The following WT1 variants were observed in gnomAD, a reference collection of about 807,000 sequenced individuals.
WT1 encodes WT1 transcription factor.
A neutral mutation model predicts 60.8 loss-of-function variants in WT1; 8 were observed. That is an observed-to-expected ratio of 0.13 (90% CI 0.08 to 0.24). The LOEUF is 0.24. Among genes scored for constraint, WT1 ranks in the 10% least tolerant of loss-of-function variants. WT1 has a pLI of 1.00. For synonymous variants in WT1, 312 were observed against 297.1 expected (o/e 1.05, Z -0.52); for missense variants, 568 against 711.8 (o/e 0.80, Z 2.30).
Position 32,434,812 on chromosome 11 carries a change from C to T in WT1, c.549G>A (p.Gly183=), listed in dbSNP as rs1199167878. ...GGCTGGGCGGAGGAGGACCGAAGGG[C>T]CCGTAGCGACAGGCTCCGGCTGTGC... The change falls in exon 1 of 10, where the codon GGG becomes GGA. Residue 183 remains glycine (G), a synonymous_variant. Transcript: ENST00000452863. 5 of 1,612,390 alleles carry T rather than the reference C, an allele frequency of 3.1e-6. No homozygotes were observed. The Admixed American group carries it at 5.0e-5, about 16-fold the overall frequency.
intron 4 of WT1, 110 bp downstream of exon 4, chr11:32,417,467 T>C: frequency 1.0e-6 from 1 of 979,386 alleles, no homozygotes; most frequent in Non-Finnish European, 1.6e-6. Flanking sequence ...ACAGAGAGCT[T>C]TGCCCTTTCT....
intron 5 of WT1, among the ~76,000 whole-genome samples, chr11:32,403,871 C>T (rs1852232097): frequency 6.6e-6 from 1 of 152,012 alleles, no homozygotes; most frequent in South Asian, 2.1e-4. Context: ...TGCACCGCGC[C>T]CAGCCGCAAA....
intron 3 of WT1, among the ~76,000 whole-genome samples, chr11:32,424,896 G>A (rs1852975289): frequency 6.6e-6 from 1 of 152,150 alleles, no homozygotes; most frequent in Admixed American, 6.5e-5. Flanking sequence ...ACTGGGAAGA[G>A]GCCCAGCACA....
chr11:32,392,212 C>T (rs916210333), intron 8 of WT1, 148 bp from the exon 9 acceptor site: 7 of 755,048 alleles, frequency 9.3e-6, no homozygotes, highest in Non-Finnish European at 1.4e-5. Context: ...TTTCCCCAGT[C>T]CCCCAGGCCC....
At chr11:32,393,085 G>T (rs1384987580) in intron 7 of WT1, among the ~76,000 whole-genome samples, 1 of 152,062 alleles carries the variant, frequency 6.6e-6, no homozygotes, top group African/African-American at 2.4e-5. Flanking sequence ...TCAGCCCAGA[G>T]CCTGGCATAG....
Position 32,428,588 on chromosome 11 carries a change from G to A in WT1, c.693C>T (p.Pro231=). 3 of 1,613,938 alleles carry A rather than the reference G, an allele frequency of 1.9e-6. No individual in the cohort carries two copies. The highest frequency in any genetic ancestry group is 2.5e-6 in the Non-Finnish European group (3 of 1,180,024). The stretch of plus-strand genomic sequence containing the variant: ...GGTGCGAGGGCGTGTGACCGTAGCT[G>A]GGCGTCCCGTCGAAGGTGACCGTGC... The change falls in exon 2 of 10, where the codon CCC becomes CCT. Residue 231 remains proline (P), a synonymous_variant. Transcript: ENST00000452863.
chr11:32,431,598 G>A (rs925232196), intron 1 of WT1, among the ~76,000 whole-genome samples: 9 of 102,830 alleles, frequency 8.8e-5, no homozygotes, highest in African/African-American at 5.6e-4. Flanking sequence ...CACCAAGCCC[G>A]GCCAATTTTT....
intron 1 of WT1, among the ~76,000 whole-genome samples, chr11:32,431,871 G>A (rs949280389): frequency 3.3e-5 from 5 of 152,086 alleles, no homozygotes; most frequent in Admixed American, 2.0e-4. Flanking sequence ...TCTCAACGGT[G>A]GGGCCAAGAT....
At chr11:32,421,838 G>T (rs746760432) in intron 3 of WT1, among the ~76,000 whole-genome samples, 1 of 152,206 alleles carries the variant, frequency 6.6e-6, no homozygotes, top group Admixed American at 6.5e-5. Flanking sequence ...AGAATAATTT[G>T]TGTCATCAAG....
intron 5 of WT1, among the ~76,000 whole-genome samples, chr11:32,409,863 G>C (rs926713181): frequency 6.6e-6 from 1 of 151,998 alleles, no homozygotes; most frequent in Admixed American, 6.6e-5. Flanking sequence ...CAAGGACACT[G>C]TTCCAGTGAT....
At chr11:32,391,151 G>A (rs910578116) in intron 9 of WT1, among the ~76,000 whole-genome samples, 19 of 151,926 alleles carry the variant, frequency 1.3e-4, no homozygotes, top group African/African-American at 4.6e-4. Flanking sequence ...TGCCCAGCTA[G>A]TTTTTGTATT....
chr11:32,410,896 G>A (rs1366806013), intron 5 of WT1, among the ~76,000 whole-genome samples: 1 of 152,172 alleles, frequency 6.6e-6, no homozygotes, highest in Non-Finnish European at 1.5e-5. Flanking sequence ...GTAGCTTCCA[G>A]ATCAATGTTC....
chr11:32,430,735 G>C (rs1341690443), intron 1 of WT1: 3 of 1,348,206 alleles, frequency 2.2e-6, no homozygotes, highest in South Asian at 4.4e-5. Context: ...TCCCAGACCG[G>C]ACACGCAGAC....
intron 3 of WT1, among the ~76,000 whole-genome samples, chr11:32,425,868 T>C (rs1853018281): frequency 6.6e-6 from 1 of 152,244 alleles, no homozygotes; most frequent in Non-Finnish European, 1.5e-5. Context: ...AAGTGCTTAA[T>C]ACAGTGGCCA....
intron 3 of WT1, among the ~76,000 whole-genome samples, chr11:32,425,428 G>A (rs1033630864): frequency 1.3e-5 from 2 of 152,104 alleles, no homozygotes; most frequent in Non-Finnish European, 2.9e-5. Context: ...TATTTTTTAT[G>A]CTTCTTCAAC....
intron 5 of WT1, among the ~76,000 whole-genome samples, chr11:32,406,701 C>T (rs112000472): frequency 7.2e-5 from 11 of 152,150 alleles, no homozygotes; most frequent in Non-Finnish European, 1.2e-4. Context: ...TGCACTTTGG[C>T]GCTTCACTTC....
chr11:32,435,077 C>T lies in WT1; in HGVS notation c.284G>A (p.Gly95Asp), dbSNP rs1454795891. The T allele has an allele frequency of 1.3e-6, 2 of 1,490,408 alleles. No individual in the cohort carries two copies. The highest frequency in any genetic ancestry group is 1.8e-6 in the Non-Finnish European group (2 of 1,129,620). 92.3% of individuals were successfully genotyped at this position (1,490,408 alleles called of 1,614,324 possible). The change falls in exon 1 of 10, where the codon GGC becomes GAC. Residue 95 changes from glycine (G) to aspartate (D), a missense_variant. Around this residue, in one of 3 missense-constraint regions of WT1, gnomAD observed 523 missense variants for 565.1 expected, o/e 0.93. Coordinates refer to ENST00000452863, the MANE Select transcript of WT1 (RefSeq NM_024426.6). ...GCCGCTCACAGGCAGGGCACAGCCG[C>T]CGCCGCCACCCAGGGAGGGGACGGC...
At chr11:32,423,900 C>T (rs1422451433) in intron 3 of WT1, among the ~76,000 whole-genome samples, 3 of 152,150 alleles carry the variant, frequency 2.0e-5, no homozygotes, top group African/African-American at 7.2e-5. Context: ...CGGTGGCTCA[C>T]GCCTGTAATT....
At chr11:32,394,443 G>A (rs936832403) in intron 7 of WT1, among the ~76,000 whole-genome samples, 3 of 152,066 alleles carry the variant, frequency 2.0e-5, no homozygotes, top group African/African-American at 7.2e-5. Flanking sequence ...CTCTGATTTA[G>A]TACATGATCA....
Sources: allele counts gnomAD v4.1 joint callset (sites outside exome capture counted in the v4.1 genomes callset), GRCh38; gene constraint gnomAD v4.1.1; regional missense constraint gnomAD v4.1.1; transcripts MANE v1.5; gene names NCBI Gene and HGNC (gene_info 2026-07-23, HGNC 2026-07-21).